Variants in CLK3 observed in about 807,000 individuals in gnomAD.
The protein encoded by CLK3 is CDC like kinase 3, also known as dual specificity protein kinase CLK3.
CLK3 carries 24 observed loss-of-function variants against 65.2 expected under a neutral mutation model. The ratio of observed to expected loss-of-function variants is 0.37; its 90% CI spans 0.27 to 0.52. CLK3 has a LOEUF of 0.52. Ranked by LOEUF, CLK3 falls within the 20% of genes least tolerant of loss-of-function variation. The pLI, the probability that CLK3 is intolerant of heterozygous loss-of-function variation, is 0.92. For missense variants in CLK3, 506 were observed against 660.0 expected (o/e 0.77, Z 2.56); for synonymous variants, 252 against 240.8 (o/e 1.05, Z -0.43).
At chr15:74,626,847 A>G (rs1015442182) in intron 7 of CLK3, 2 of 389,316 alleles carry the variant, frequency 5.1e-6, no homozygotes, top group Admixed American at 2.9e-5. Flanking sequence ...ATGACTAGCA[A>G]TGAGAGGCGG....
chr15:74,619,386 G>C, intron 2 of CLK3, 38 bp downstream of exon 2: 1 of 1,608,804 alleles, frequency 6.2e-7, no homozygotes, highest in Middle Eastern at 1.7e-4. Flanking sequence ...GACTCCTTCT[G>C]TCAGCTGGGC....
upstream of CLK3, chr15:74,615,624 C>T: frequency 8.0e-7 from 1 of 1,251,558 alleles, no homozygotes; most frequent in Non-Finnish European, 1.0e-6. Flanking sequence ...CGCCGCGACA[C>T]GGCGGGAGGC....
chr15:74,612,452 C>T (rs1475743623), upstream of CLK3, among the ~76,000 whole-genome samples: 1 of 152,166 alleles, frequency 6.6e-6, no homozygotes, highest in Non-Finnish European at 1.5e-5. Flanking sequence ...CCCTCCTCAC[C>T]TCTAGGGTCT....
At position 74,628,616 on chromosome 15, in the gene CLK3, C is replaced by T. The variant is rs186060207; in HGVS notation, c.1138C>T (p.Arg380Ter). 6.2e-7 allele frequency: 1 copy of T among 1,613,542 alleles called. No homozygotes were observed. Among genetic ancestry groups the T allele is most frequent in the Non-Finnish European group, 8.5e-7 (1 of 1,179,670 alleles). Residue 380 changes from arginine to a stop codon, truncating the protein, a stop_gained, in exon 11 of 13, where the codon CGA (arginine) becomes TGA (stop). Coordinates refer to ENST00000395066, the MANE Select transcript of CLK3 (RefSeq NM_001130028.2). LOFTEE classifies it high-confidence loss of function. ...GFTLFQTHEN[R>*]EHLVMMEKIL... is the part of the protein sequence containing the mutation. The stretch of plus-strand genomic sequence containing the variant: ...TAATCTTCCACAGACCCACGAAAAC[C>T]GAGAGCACCTGGTGATGATGGAGAA...
intron 1 of CLK3, among the ~76,000 whole-genome samples, chr15:74,618,799 C>T (rs542363482): frequency 5.9e-5 from 9 of 152,310 alleles, no homozygotes; most frequent in South Asian, 2.1e-4. Context: ...ATTCACTTCA[C>T]GGGACCGCCC....
chr15:74,611,661 C>T (rs910795115), upstream of CLK3, among the ~76,000 whole-genome samples: 2 of 152,202 alleles, frequency 1.3e-5, no homozygotes, highest in Non-Finnish European at 2.9e-5. Context: ...GCTGCCATGC[C>T]CAACTTTCCT....
chr15:74,629,369 C>T, intron 12 of CLK3: 1 of 529,296 alleles, frequency 1.9e-6, no homozygotes, highest in Non-Finnish European at 3.4e-6. Context: ...GGAGGGAAGA[C>T]CTAGACATGG....
intron 3 of CLK3, 82 bp downstream of exon 3, chr15:74,620,307 T>C: frequency 1.3e-6 from 2 of 1,575,412 alleles, no homozygotes; most frequent in Non-Finnish European, 1.7e-6. Context: ...CTGGTCCGGG[T>C]GAGTACTGCC....
intron 6 of CLK3, 22 bp downstream of exon 6, chr15:74,625,040 G>A: frequency 6.3e-7 from 1 of 1,576,016 alleles, no homozygotes; most frequent in Non-Finnish European, 8.7e-7. Context: ...CAAGGAGTGG[G>A]AGGGAAGCCT....
rs2141548049 is a variant in CLK3 at position 74,624,886 on chromosome 15, C to T, written c.534-16C>T. 6.3e-7 allele frequency: 1 copy of T among 1,585,090 alleles called. No individual in the cohort carries two copies. Among genetic ancestry groups the T allele is most frequent in the Non-Finnish European group, 8.6e-7 (1 of 1,161,550 alleles). On this transcript the variant is annotated splice_polypyrimidine_tract_variant and intron_variant, in intron 5 of 12. Transcript: ENST00000395066. This position sits in a 1 kb window ranked among gnomAD's most constrained non-coding sequence, Gnocchi z 4.2. Reference sequence around the variant, plus strand: ...CAGCTGCTGATGAGAACCTCTGTTTCCTTCCCGGGTACCAGAGGGAAGTCT... The same window carrying T: ...CAGCTGCTGATGAGAACCTCTGTTTTCTTCCCGGGTACCAGAGGGAAGTCT...
chr15:74,625,989 G>A (rs1309460576), intron 7 of CLK3, 21 bp downstream of exon 7: 13 of 1,612,686 alleles, frequency 8.1e-6, no homozygotes, highest in Non-Finnish European at 1.1e-5. Flanking sequence ...ACCCTCAAAA[G>A]AAGCATGGGC....
chr15:74,612,197 C>T (rs1467171445), upstream of CLK3, among the ~76,000 whole-genome samples: 3 of 152,218 alleles, frequency 2.0e-5, no homozygotes, highest in Admixed American at 2.0e-4. Context: ...GAGCCACGTT[C>T]CCCCTTCCAG....
In CLK3 at chr15:74,628,665, A is replaced by G; in HGVS notation, c.1187A>G (p.His396Arg). The G allele has an allele frequency of 6.2e-7, 1 of 1,613,246 alleles. No homozygotes were observed. The highest frequency in any genetic ancestry group is 8.5e-7 in the Non-Finnish European group (1 of 1,179,598). Residue 396 changes from histidine to arginine, a missense_variant, in exon 11 of 13, where the codon CAC (histidine) becomes CGC (arginine). This residue lies in a region of CLK3 where 325 missense variants were observed against 500.5 expected (regional missense o/e 0.65). Coordinates refer to ENST00000395066, the MANE Select transcript of CLK3 (RefSeq NM_001130028.2). The part of the protein sequence containing the change: ...MEKILGPIPS[H>R]MIHRTRKQKY... Reference sequence around the variant, plus strand: ...AAGATCCTAGGGCCCATCCCATCACACATGATCCACCGTACCAGGTAAGGA... The same window carrying G: ...AAGATCCTAGGGCCCATCCCATCACGCATGATCCACCGTACCAGGTAAGGA...
rs1254645191 is a variant in CLK3 at position 74,630,171 on chromosome 15, C to T, written c.*288C>T. On this transcript the variant is annotated 3_prime_UTR_variant, in exon 13 of 13. Transcript: ENST00000395066. ...GGCTCCTTGCCTTCCCCTTACCTGA[C>T]CTTATTAATAAAGTCTTTCTTAGCA... The T allele has an allele frequency of 5.6e-6, 2 of 359,212 alleles. No individual in the cohort carries two copies. The highest frequency in any genetic ancestry group is 1.0e-5 in the Non-Finnish European group (2 of 195,406). The allele number at this position is 359,212 out of a possible 1,614,324, so 22.3% of individuals were successfully genotyped here. A position where few individuals can be genotyped will look rare whatever the true frequency, so the allele number is the denominator to read the frequency against.
chr15:74,610,591 G>A (rs564875565), intron 1 of CLK3, among the ~76,000 whole-genome samples: 2 of 152,380 alleles, frequency 1.3e-5, no homozygotes, highest in East Asian at 1.9e-4. Flanking sequence ...ACAAGGGACT[G>A]TGCCCTGGGG....
chr15:74,622,483 T>C lies in CLK3; in HGVS notation c.467-11T>C. 2 of 1,602,310 alleles carry C rather than the reference T, an allele frequency of 1.2e-6. No individual in the cohort carries two copies. The highest frequency in any genetic ancestry group is 1.7e-4 in the Middle Eastern group (1 of 6,022). ...TCCAGATTCTCATGCCCAATTTCTT[T>C]TCTCTCCTAGATGAGATTGTGGGGA... is the stretch of plus-strand genomic sequence containing the variant. On this transcript the variant is annotated splice_polypyrimidine_tract_variant and intron_variant, in intron 4 of 12. Coordinates refer to ENST00000395066, the MANE Select transcript of CLK3 (RefSeq NM_001130028.2). The surrounding 1 kb of genome is among the most constrained non-coding windows in gnomAD (Gnocchi z 4.6).
chr15:74,619,707 CTT>C (rs2141540505), intron 2 of CLK3, among the ~76,000 whole-genome samples: 1 of 152,330 alleles, frequency 6.6e-6, no homozygotes, highest in East Asian at 1.9e-4. Flanking sequence ...CCAGGTCAAA[CTT>C]AGAGTTGCAG....
intron 1 of CLK3, among the ~76,000 whole-genome samples, chr15:74,617,161 TGA>T (rs1408191738): frequency 6.6e-6 from 1 of 152,242 alleles, no homozygotes; most frequent in Non-Finnish European, 1.5e-5. Context: ...TTTGCCAGGC[TGA>T]GAGATGTTAT....
intron 7 of CLK3, chr15:74,626,993 C>G (rs2062147800): frequency 4.2e-6 from 2 of 471,158 alleles, no homozygotes; most frequent in African/African-American, 3.9e-5. Context: ...GCAAAGGGCC[C>G]TGCAAATTAT....
Sources: allele counts gnomAD v4.1 joint callset (sites outside exome capture counted in the v4.1 genomes callset), GRCh38; gene constraint gnomAD v4.1.1; regional missense constraint gnomAD v4.1.1; non-coding constraint Gnocchi (gnomAD v3.1); transcripts MANE v1.5; gene names NCBI Gene and HGNC (gene_info 2026-07-23, HGNC 2026-07-21).